Variants in AIG1 observed in about 807,000 individuals in gnomAD.
The protein encoded by AIG1 is androgen-induced gene 1 protein.
Under a neutral mutation model 31.4 loss-of-function variants are expected in AIG1, and 23 were observed. The observed-to-expected ratio is 0.73, with a 90% confidence interval of 0.53 to 1.04. The LOEUF (loss-of-function observed/expected upper bound fraction) is 1.04. AIG1 is among the 50% of genes least tolerant of loss of function. The pLI is 0.00. For synonymous variants in AIG1, 100 were observed against 110.5 expected (o/e 0.90, Z 0.60); for missense variants, 274 against 295.0 (o/e 0.93, Z 0.52).
rs563560144 is a variant in AIG1, at chr6:143,119,285, C to T, written c.142-17550C>T. Reference sequence around the variant, plus strand: ...AGTATCAAACACTCCATAAACCTTGCGGTGCATCTCTTTAGAGATTTTTAA... The same window carrying T: ...AGTATCAAACACTCCATAAACCTTGTGGTGCATCTCTTTAGAGATTTTTAA... On this transcript the variant is annotated intron_variant, in intron 1 of 5. Transcript: ENST00000357847. 2.8e-4 allele frequency among the ~76,000 whole-genome samples: 43 copies of T among 152,226 alleles called. No homozygotes were observed. The South Asian group carries it at 4.6e-3, about 16-fold the overall frequency.
chr6:143,309,287 G>T (rs1049334719), intron 4 of AIG1, among the ~76,000 whole-genome samples: 3 of 151,788 alleles, frequency 2.0e-5, no homozygotes, highest in Non-Finnish European at 4.4e-5. Context: ...ATTAAAAGAT[G>T]TTCTTCAAGG....
downstream of AIG1, chr6:143,343,311 A>G: frequency 3.3e-6 from 2 of 614,766 alleles, no homozygotes; most frequent in East Asian, 4.1e-5. Context: ...TTGGAAGAAC[A>G]GGGAGCCTCT....
At chr6:143,248,943 C>T (rs919645137) in intron 3 of AIG1, among the ~76,000 whole-genome samples, 12 of 152,282 alleles carry the variant, frequency 7.9e-5, no homozygotes, top group African/African-American at 2.2e-4. Context: ...TTTTCAGCAT[C>T]GTGGGCAGGT....
chr6:143,239,716 A>G (rs1794097084), intron 3 of AIG1, among the ~76,000 whole-genome samples: 1 of 152,188 alleles, frequency 6.6e-6, no homozygotes, highest in Non-Finnish European at 1.5e-5. Context: ...GACCTGACCC[A>G]TGGCCCGTGT....
chr6:143,121,231 T>TA (rs1782217224), intron 1 of AIG1, among the ~76,000 whole-genome samples: 1 of 152,228 alleles, frequency 6.6e-6, no homozygotes, highest in African/African-American at 2.4e-5. Flanking sequence ...TTAATTCCTC[T>TA]AGCGCTGCTG....
rs1027115052 is a variant in AIG1 at position 143,339,956 on chromosome 6, G to A, written c.*280G>A. 7.1e-6 allele frequency: 2 copies of A among 280,124 alleles called. No individual in the cohort carries two copies. The highest frequency in any genetic ancestry group is 4.4e-5 in the African/African-American group (2 of 45,104). The allele number at this position is 280,124 out of a possible 1,614,324, so 17.4% of individuals were successfully genotyped here. A position where few individuals can be genotyped will look rare whatever the true frequency, so the allele number is the denominator to read the frequency against. On this transcript the variant is annotated 3_prime_UTR_variant, in exon 6 of 6. Coordinates refer to ENST00000357847, the MANE Select transcript of AIG1 (RefSeq NM_016108.4). ...GTTTTAAAACCAGAATTGGACCTTG[G>A]ATTTTTATTTTGGCAATTGTAACTC...
At chr6:143,198,527 C>T (rs1466542547) in intron 3 of AIG1, among the ~76,000 whole-genome samples, 1 of 152,218 alleles carries the variant, frequency 6.6e-6, no homozygotes, top group African/African-American at 2.4e-5. Flanking sequence ...GATATCAGAA[C>T]AGCTGTTTTA....
rs1261630520 is a variant in AIG1, at chr6:143,279,175, T to G, written c.400-4935T>G. On this transcript the variant is annotated intron_variant, in intron 3 of 5. Coordinates refer to ENST00000357847, the MANE Select transcript of AIG1 (RefSeq NM_016108.4). The surrounding 1 kb of genome is among the most constrained non-coding windows in gnomAD (Gnocchi z 5.4). ...TCTTCAACTCTGAAAGTTCATTTTTTTCTTCTGATTCTAAAAGAAACTAAG... is the reference window on the plus strand; with the variant it reads ...TCTTCAACTCTGAAAGTTCATTTTTGTCTTCTGATTCTAAAAGAAACTAAG... Among the ~76,000 whole-genome samples the G allele has an allele frequency of 6.6e-6, 1 of 152,220 alleles. No homozygotes were observed. The highest frequency in any genetic ancestry group is 1.5e-5 in the Non-Finnish European group (1 of 68,038).
At chr6:143,210,423 A>G (rs1791490099) in intron 3 of AIG1, among the ~76,000 whole-genome samples, 1 of 152,224 alleles carries the variant, frequency 6.6e-6, no homozygotes, top group African/African-American at 2.4e-5. Context: ...CTCTCCCCAG[A>G]GCTTCCACAA....
At chr6:143,183,773 C>T (rs1788965169) in intron 3 of AIG1, among the ~76,000 whole-genome samples, 2 of 152,140 alleles carry the variant, frequency 1.3e-5, no homozygotes, top group African/African-American at 2.4e-5. Flanking sequence ...TCAAAGTAAA[C>T]TTAATTCATA....
intron 4 of AIG1, among the ~76,000 whole-genome samples, chr6:143,285,057 G>A (rs1412758403): frequency 6.6e-6 from 1 of 151,926 alleles, no homozygotes; most frequent in Admixed American, 6.5e-5. Context: ...TAAGCCCAAA[G>A]GACTGGATAG....
In AIG1 at chr6:143,136,945, T is replaced by C; in HGVS notation, c.252T>C (p.Ser84=). ...AGAGGCAGCTCAAGAAGCTCATCTC[T>C]CTCCGGGACTGGATGTTAGCTGTGT... ...EQERQLKKLI[S]LRDWMLAVLA... Residue 84 remains serine (S), a synonymous_variant, in exon 2 of 6, where the codon TCT becomes TCC. Transcript: ENST00000357847. The C allele has an allele frequency of 1.3e-6, 2 of 1,518,444 alleles. No homozygotes were observed. The highest frequency in any genetic ancestry group is 1.8e-6 in the Non-Finnish European group (2 of 1,119,620). 94.1% of individuals were successfully genotyped at this position (1,518,444 alleles called of 1,614,324 possible).
intron 1 of AIG1, among the ~76,000 whole-genome samples, chr6:143,074,301 A>G (rs1288321884): frequency 1.3e-5 from 2 of 152,228 alleles, no homozygotes; most frequent in African/African-American, 2.4e-5. Context: ...TATCCAAATA[A>G]ATAAGTAAAT....
intron 2 of AIG1, among the ~76,000 whole-genome samples, chr6:143,145,626 G>A (rs915980266): frequency 2.0e-5 from 3 of 152,150 alleles, no homozygotes; most frequent in African/African-American, 7.2e-5. Flanking sequence ...AGCCTGGGAA[G>A]GCAAGAAGAG....
intron 4 of AIG1, among the ~76,000 whole-genome samples, chr6:143,314,663 TGTGA>T (rs1237086792): frequency 1.3e-5 from 2 of 152,144 alleles, no homozygotes; most frequent in Non-Finnish European, 2.9e-5. Flanking sequence ...AGAAAGTAGA[TGTGA>T]GTAAGTAGAA....
intron 3 of AIG1, among the ~76,000 whole-genome samples, chr6:143,220,874 C>T (rs1221718886): frequency 6.6e-6 from 1 of 152,218 alleles, no homozygotes; most frequent in Non-Finnish European, 1.5e-5. Context: ...ATGCATCTTT[C>T]ACCCACTGAT....
chr6:143,141,357 G>T (rs1418171467), intron 2 of AIG1, among the ~76,000 whole-genome samples: 2 of 150,774 alleles, frequency 1.3e-5, no homozygotes, highest in South Asian at 2.3e-4. Flanking sequence ...GACAGTAATT[G>T]CTGTATGTGA....
chr6:143,187,751 T>C, intron 3 of AIG1: 1 of 1,533,948 alleles, frequency 6.5e-7, no homozygotes, highest in Non-Finnish European at 8.7e-7. Flanking sequence ...GTGCCATGCA[T>C]GCTGCTCTGC....
intron 3 of AIG1, among the ~76,000 whole-genome samples, chr6:143,261,975 G>T (rs1395959872): frequency 6.6e-6 from 1 of 152,188 alleles, no homozygotes; most frequent in African/African-American, 2.4e-5. Context: ...CTTTCAGAAA[G>T]CATTTGAGTT....
Sources: allele counts gnomAD v4.1 joint callset (sites outside exome capture counted in the v4.1 genomes callset), GRCh38; gene constraint gnomAD v4.1.1; non-coding constraint Gnocchi (gnomAD v3.1); transcripts MANE v1.5; gene names NCBI Gene and HGNC (gene_info 2026-07-23, HGNC 2026-07-21).